The following DNAAF4 variants were observed in gnomAD, a reference collection of about 807,000 sequenced individuals.
DNAAF4 encodes dynein axonemal assembly factor 4, also known as dynein assembly factor 4, axonemal.
In DNAAF4, 43 loss-of-function variants were observed where a neutral mutation model predicts 51.8. That is an observed-to-expected ratio of 0.83 (90% confidence interval 0.65 to 1.07). DNAAF4 has a LOEUF of 1.07. DNAAF4 is among the 50% of genes least tolerant of loss of function. The pLI is 0.00. For missense variants in DNAAF4, 581 were observed against 493.0 expected (o/e 1.18, Z -1.69); for synonymous variants, 194 against 165.6 (o/e 1.17, Z -1.32).
intron 5 of DNAAF4, 72 bp from the exon 6 acceptor site, chr15:55,450,439 T>TA: frequency 1.3e-6 from 2 of 1,495,260 alleles, no homozygotes; most frequent in Non-Finnish European, 1.8e-6. Context: ...GATAAAGTAA[T>TA]TACACATCAA....
In DNAAF4 at chr15:55,455,792, G is replaced by A. The variant is rs140426530; in HGVS notation, c.638-5425C>T. Reference sequence around the variant, plus strand: ...TAAAGTTGTAAAGACATATGACCTGGTGGAAATAGCACAGGTTTCAGATGC... The same window carrying A: ...TAAAGTTGTAAAGACATATGACCTGATGGAAATAGCACAGGTTTCAGATGC... On this transcript the variant is annotated intron_variant, in intron 5 of 9. Coordinates refer to ENST00000321149, the MANE Select transcript of DNAAF4 (RefSeq NM_130810.4). Among the ~76,000 whole-genome samples, 403 of 152,174 alleles carry A rather than the reference G, an allele frequency of 2.6e-3. 1 individual carries two copies. The highest frequency in any genetic ancestry group is 4.7e-3 in the Non-Finnish European group (323 of 68,016).
At chr15:55,485,799 C>G (rs2058479005) in intron 4 of DNAAF4, among the ~76,000 whole-genome samples, 2 of 151,946 alleles carry the variant, frequency 1.3e-5, no homozygotes, top group Non-Finnish European at 2.9e-5. Flanking sequence ...TCGAGACCAT[C>G]CTGGCTAACA....
In DNAAF4 at chr15:55,434,932, T is replaced by C; in HGVS notation, c.1020A>G (p.Leu340=). 6.2e-7 allele frequency: 1 copy of C among 1,612,158 alleles called. No homozygotes were observed. The highest frequency in any genetic ancestry group is 8.5e-7 in the Non-Finnish European group (1 of 1,179,620). The change falls in exon 8 of 10, where the codon TTA becomes TTG. Residue 340 remains leucine (L), a synonymous_variant. Transcript: ENST00000321149. ...TAGAAGAATCTTCAATAGCCTTGTG[T>C]AAGTTTTTTAGTTTTAGGTGGCAAG... is the stretch of plus-strand genomic sequence containing the variant. ...RAACHLKLKN[L]HKAIEDSSKA...
At chr15:55,446,378 T>C (rs1321116554) in intron 6 of DNAAF4, among the ~76,000 whole-genome samples, 2 of 62,946 alleles carry the variant, frequency 3.2e-5, no homozygotes, top group African/African-American at 6.8e-5. Context: ...ACATCCCAGA[T>C]GATGGGCGGC....
chr15:55,443,990 G>C (rs1423406090), intron 6 of DNAAF4, among the ~76,000 whole-genome samples: 1 of 152,038 alleles, frequency 6.6e-6, no homozygotes, highest in Non-Finnish European at 1.5e-5. Context: ...CCATTCTGTA[G>C]GTTGCCTGTT....
intron 8 of DNAAF4, among the ~76,000 whole-genome samples, chr15:55,432,925 G>C (rs975050004): frequency 2.0e-5 from 3 of 151,716 alleles, no homozygotes; most frequent in African/African-American, 7.3e-5. Context: ...ACTCCAGCCT[G>C]GGTGACAGAG....
chr15:55,497,687 G>A (rs755675152), intron 3 of DNAAF4, 25 bp downstream of exon 3: 1 of 1,588,282 alleles, frequency 6.3e-7, no homozygotes, highest in Non-Finnish European at 8.6e-7. Context: ...ACAACCAGAT[G>A]AACATCTTTT....
At chr15:55,452,664 A>C (rs117610434) in intron 5 of DNAAF4, among the ~76,000 whole-genome samples, 7,928 of 152,300 alleles carry the variant, frequency 0.052, 307 homozygotes, top group South Asian at 0.098. Flanking sequence ...TTATGAACAC[A>C]TACAAATTCT....
At chr15:55,469,368 G>C (rs1193352835) in intron 4 of DNAAF4, among the ~76,000 whole-genome samples, 1 of 149,998 alleles carries the variant, frequency 6.7e-6, no homozygotes, top group Non-Finnish European at 1.5e-5. Flanking sequence ...GAAAAACAGA[G>C]TGTACAGAGA....
At chr15:55,479,992 C>A (rs150648056) in intron 4 of DNAAF4, among the ~76,000 whole-genome samples, 47 of 152,240 alleles carry the variant, frequency 3.1e-4, no homozygotes, top group Non-Finnish European at 5.1e-4. Context: ...GCCTTGTGAT[C>A]TTTGTTGGAC....
intron 4 of DNAAF4, among the ~76,000 whole-genome samples, chr15:55,482,204 G>A (rs73411016): frequency 6.6e-6 from 1 of 151,708 alleles, no homozygotes; most frequent in Admixed American, 6.6e-5. Context: ...CTTTCCATCT[G>A]GCAACAACAG....
downstream of DNAAF4, among the ~76,000 whole-genome samples, chr15:55,426,006 C>T (rs1458649941): frequency 6.6e-6 from 1 of 152,110 alleles, no homozygotes; most frequent in East Asian, 1.9e-4. Context: ...AATCAGACTG[C>T]CCAAGCATTT....
At chr15:55,461,277 C>T (rs1021516750) in intron 5 of DNAAF4, among the ~76,000 whole-genome samples, 2 of 151,836 alleles carry the variant, frequency 1.3e-5, no homozygotes, top group African/African-American at 4.8e-5. Flanking sequence ...ACCGTGTTAG[C>T]CACCAGATTC....
chr15:55,439,766 T>C (rs1412887950), intron 6 of DNAAF4, among the ~76,000 whole-genome samples, 185 bp from the exon 7 acceptor site: 1 of 152,136 alleles, frequency 6.6e-6, no homozygotes, highest in Admixed American at 6.6e-5. Context: ...TGAATCGGTA[T>C]TTGGTAGTGG....
exon 8 of DNAAF4, chr15:55,417,839 G>A (rs970107754): frequency 1.4e-5 from 4 of 277,024 alleles, no homozygotes; most frequent in Admixed American, 9.5e-5. Flanking sequence ...AGATAGGGGT[G>A]GGGCCGTTTT....
chr15:55,468,634 C>A (rs542152082), intron 4 of DNAAF4, among the ~76,000 whole-genome samples: 1 of 152,092 alleles, frequency 6.6e-6, no homozygotes, highest in Non-Finnish European at 1.5e-5. Flanking sequence ...CACTCTCTGC[C>A]CCAACACATG....
chr15:55,423,958 C>T (rs549381580), intron 7 of DNAAF4, among the ~76,000 whole-genome samples: 5 of 152,030 alleles, frequency 3.3e-5, no homozygotes, highest in Admixed American at 6.6e-5. Flanking sequence ...GGCATGGTGG[C>T]GCATGCCTGT....
rs2057734030 is a variant in DNAAF4, at chr15:55,442,739, T to C, written c.784-3158A>G. On this transcript the variant is annotated intron_variant, in intron 6 of 9. Transcript: ENST00000321149. ...ACATTACTGGAAACAAAAAATTTCT[T>C]TCCTTCAACTTTATCAAGTTGGCTA... 4 of 1,573,342 alleles carry C rather than the reference T, an allele frequency of 2.5e-6. No homozygotes were observed. The Admixed American group carries it at 6.7e-5, about 26-fold the overall frequency.
At chr15:55,497,348 C>T (rs1458661322) in intron 3 of DNAAF4, among the ~76,000 whole-genome samples, 1 of 152,156 alleles carries the variant, frequency 6.6e-6, no homozygotes, top group African/African-American at 2.4e-5. Context: ...GTAATCCCAG[C>T]ACTTTGGGAG....
Sources: gnomAD v4.1 joint callset for allele counts (sites outside exome capture counted in the v4.1 genomes callset) on GRCh38, gnomAD v4.1.1 for gene constraint, MANE v1.5 for transcripts, NCBI Gene and HGNC (gene_info 2026-07-23, HGNC 2026-07-21) for gene names.